The following ITLN1 variants were observed in gnomAD, a reference collection of about 807,000 sequenced individuals.
The protein encoded by ITLN1 is intelectin-1.
ITLN1 carries 29 observed loss-of-function variants against 36.2 expected under a neutral mutation model. The observed-to-expected ratio is 0.80, with a 90% confidence interval of 0.60 to 1.09. The LOEUF is 1.09. ITLN1 is among the 50% of genes least tolerant of loss of function. The pLI, the probability that ITLN1 is intolerant of heterozygous loss-of-function variation, is 0.00. For synonymous variants in ITLN1, 143 were observed against 146.5 expected (o/e 0.98, Z 0.17); for missense variants, 358 against 405.2 (o/e 0.88, Z 1.00).
chr1:160,882,029 T>C lies in ITLN1; in HGVS notation c.333A>G (p.Pro111=), dbSNP rs1253390191. ...SSQQGSKAVY[P]EGDGNWANYN... is the part of the protein sequence containing the mutation. ...AGTTGGCCCAGTTGCCGTCCCCCTCTGGGTAGACTGCTTTGCTGCCCTGCT... is the reference window on the plus strand; with the variant it reads ...AGTTGGCCCAGTTGCCGTCCCCCTCCGGGTAGACTGCTTTGCTGCCCTGCT... Residue 111 remains proline, a synonymous_variant, in exon 4 of 8, where the codon CCA becomes CCG. Transcript: ENST00000326245. 5 of 1,613,980 alleles carry C rather than the reference T, an allele frequency of 3.1e-6. No individual in the cohort carries two copies. The highest frequency in any genetic ancestry group is 4.2e-6 in the Non-Finnish European group (5 of 1,180,012).
Position 160,881,937 on chromosome 1 carries a change from G to A in ITLN1, c.405+20C>T, listed in dbSNP as rs1281255051. The A allele has an allele frequency of 6.2e-7, 1 of 1,614,130 alleles. No homozygotes were observed. Among genetic ancestry groups the A allele is most frequent in the Non-Finnish European group, 8.5e-7 (1 of 1,180,014 alleles). ...CTCCACTCCTCACCCTCACCCGAGT[G>A]GGTAAGAAGTGGCACCAACCTTGTA... On this transcript the variant is annotated intron_variant, in intron 4 of 7. Transcript: ENST00000326245.
chr1:160,883,047 T>C (rs1315077221), intron 3 of ITLN1, among the ~76,000 whole-genome samples: 2 of 152,132 alleles, frequency 1.3e-5, no homozygotes, highest in African/African-American at 2.4e-5. Context: ...TTTTGTATTT[T>C]AGTAGAGACA....
chr1:160,880,060 C>T (rs951455324), intron 6 of ITLN1, among the ~76,000 whole-genome samples: 5 of 152,058 alleles, frequency 3.3e-5, no homozygotes, highest in Admixed American at 1.3e-4. Context: ...AATCCCAACA[C>T]TTTGGGAGCC....
intron 5 of ITLN1, 51 bp downstream of exon 5, chr1:160,881,103 T>C (rs1439113403): frequency 1.3e-6 from 2 of 1,527,948 alleles, no homozygotes; most frequent in South Asian, 1.3e-5. Flanking sequence ...CTCTAACACT[T>C]GCTTCTCTGT....
chr1:160,881,817 AAAAAAAAAG>A, intron 4 of ITLN1, 131 bp downstream of exon 4: 17 of 1,234,632 alleles, frequency 1.4e-5, no homozygotes, highest in Non-Finnish European at 1.7e-5. Context: ...AAAAAAAAAA[AAAAAAAAAG>A]ATATAAGTAT....
chr1:160,879,174 G>A (rs1441428335), intron 7 of ITLN1, 137 bp downstream of exon 7: 6 of 706,846 alleles, frequency 8.5e-6, no homozygotes, highest in Non-Finnish European at 1.5e-5. Flanking sequence ...GCTCAGCAAT[G>A]AGCAAGAGAA....
In ITLN1 at chr1:160,885,055, A is replaced by C; in HGVS notation, c.-7+6T>G. 1 of 556,446 alleles carries C rather than the reference A, an allele frequency of 1.8e-6. No individual in the cohort carries two copies. The allele number at this position is 556,446 out of a possible 1,614,324, so 34.5% of individuals were successfully genotyped here. A position where few individuals can be genotyped will look rare whatever the true frequency, so the allele number is the denominator to read the frequency against. On this transcript the variant is annotated splice_donor_region_variant and intron_variant, in intron 1 of 7. Transcript: ENST00000326245. ...GCTGAAAACAGGATTCCCCCAACTCACAGACCTTGTCTGAGTCTCAGCTGC... is the reference window on the plus strand; with the variant it reads ...GCTGAAAACAGGATTCCCCCAACTCCCAGACCTTGTCTGAGTCTCAGCTGC...
rs1410098075 is a variant in ITLN1 at position 160,879,309 on chromosome 1, A to C, written c.789+2T>G. ...GTCCCTGCAGTCCCCACAGAGACTC[A>C]CGTGCTCAGTGTTACATCCGGTGAC... On this transcript the variant is annotated splice_donor_variant, in intron 7 of 7. Transcript: ENST00000326245. LOFTEE classifies it high-confidence loss of function. The C allele has an allele frequency of 1.2e-6, 2 of 1,610,912 alleles. No individual in the cohort carries two copies. The highest frequency in any genetic ancestry group is 2.2e-5 in the East Asian group (1 of 44,858).
Position 160,876,619 on chromosome 1 carries a change from T to A in ITLN1, c.*45A>T, listed in dbSNP as rs1318039807. The stretch of plus-strand genomic sequence containing the variant: ...GGTAAGTTGTTCTCCATCCTTGGGA[T>A]CTCATGGTTGGGAGGAGAGGTCTGG... On this transcript the variant is annotated 3_prime_UTR_variant, in exon 8 of 8. Transcript: ENST00000326245. 1 of 1,600,358 alleles carries A rather than the reference T, an allele frequency of 6.2e-7. No individual in the cohort carries two copies. Among genetic ancestry groups the A allele is most frequent in the African/African-American group, 1.3e-5 (1 of 74,478 alleles).
rs758701428 is a variant in ITLN1 at position 160,881,180 on chromosome 1, C to T, written c.538G>A (p.Gly180Arg). The change falls in exon 5 of 8, where the codon GGA becomes AGA. Residue 180 changes from glycine to arginine, a missense_variant. By Grantham distance (125) the Gly-to-Arg change is moderately radical. Coordinates refer to ENST00000326245, the MANE Select transcript of ITLN1 (RefSeq NM_017625.3). ...TGGTAGATGCCAAACAGATTATGTC[C>T]CAGTGTCTGGAGGAAGCCAGTGTCC... ...RTDTGFLQTLGHNLFGIYQKY... is the reference protein window; with the variant it reads ...RTDTGFLQTLRHNLFGIYQKY... 1 of 1,612,600 alleles carries T rather than the reference C, an allele frequency of 6.2e-7. No homozygotes were observed. Among genetic ancestry groups the T allele is most frequent in the Non-Finnish European group, 8.5e-7 (1 of 1,179,134 alleles).
At position 160,879,516 on chromosome 1, in the gene ITLN1, C is replaced by G. The variant is rs899005114; in HGVS notation, c.686-102G>C. On this transcript the variant is annotated intron_variant, in intron 6 of 7. Transcript: ENST00000326245. Reference sequence around the variant, plus strand: ...CGATGCCAAAGCTCAGGCTACAGCCCAACACTCCAGCTGTACTGGTGGAGC... The same window carrying G: ...CGATGCCAAAGCTCAGGCTACAGCCGAACACTCCAGCTGTACTGGTGGAGC... 3 of 846,344 alleles carry G rather than the reference C, an allele frequency of 3.5e-6. No individual in the cohort carries two copies. The African/African-American group carries it at 5.0e-5, about 14-fold the overall frequency. The allele number at this position is 846,344 out of a possible 1,614,324, so 52.4% of individuals were successfully genotyped here.
intron 7 of ITLN1, among the ~76,000 whole-genome samples, chr1:160,878,669 G>A (rs1670631894): frequency 6.6e-6 from 1 of 152,152 alleles, no homozygotes; most frequent in Admixed American, 6.5e-5. Context: ...ACAGGCGGGA[G>A]CCACCATGCC....
Position 160,883,420 on chromosome 1 carries a change from T to C in ITLN1, c.157+8A>G. ...GACTGAGCTCTGTTTGAATGTTTCA[T>C]CACTCACCAAATGCACTAGGACATT... On this transcript the variant is annotated splice_region_variant and intron_variant, in intron 3 of 7. Transcript: ENST00000326245. 6.3e-7 allele frequency: 1 copy of C among 1,594,742 alleles called. No homozygotes were observed. The highest frequency in any genetic ancestry group is 8.6e-7 in the Non-Finnish European group (1 of 1,162,464).
chr1:160,881,458 C>G, intron 4 of ITLN1, 146 bp from the exon 5 acceptor site: 3 of 862,028 alleles, frequency 3.5e-6, no homozygotes, highest in Non-Finnish European at 3.4e-6. Flanking sequence ...CACTCCCAGC[C>G]GATGATCCCA....
chr1:160,884,544 A>G (rs1670727483), intron 2 of ITLN1, among the ~76,000 whole-genome samples: 1 of 152,216 alleles, frequency 6.6e-6, no homozygotes, highest in African/African-American at 2.4e-5. Context: ...TCCCACAGCC[A>G]AGGCCACAGG....
chr1:160,880,977 T>C (rs1237747490), intron 5 of ITLN1, among the ~76,000 whole-genome samples, 177 bp downstream of exon 5: 2 of 152,150 alleles, frequency 1.3e-5, no homozygotes, highest in Non-Finnish European at 2.9e-5. Context: ...TCCTCTCCAA[T>C]AGGTCCCTTC....
At chr1:160,880,947 C>T (rs188093212) in intron 5 of ITLN1, among the ~76,000 whole-genome samples, 1 of 152,338 alleles carries the variant, frequency 6.6e-6, no homozygotes, top group African/African-American at 2.4e-5. Flanking sequence ...GACCCATCCA[C>T]ACTCTTCCTG....
rs983571803 is a variant in ITLN1, at chr1:160,882,875, T to C, written c.157+553A>G. On this transcript the variant is annotated intron_variant, in intron 3 of 7. Transcript: ENST00000326245. Reference sequence around the variant, plus strand: ...GTTATTTTTTGTTTTGTTTTGTTTTTGTTTTTGTTTTTGAGATGGAGTCTC... The same window carrying C: ...GTTATTTTTTGTTTTGTTTTGTTTTCGTTTTTGTTTTTGAGATGGAGTCTC... Among the ~76,000 whole-genome samples the C allele has an allele frequency of 2.6e-5, 4 of 152,190 alleles. No homozygotes were observed. In the South Asian group the frequency reaches 6.2e-4, roughly 24 times the overall value.
intron 3 of ITLN1, 111 bp downstream of exon 3, chr1:160,883,317 T>C: frequency 1.5e-6 from 1 of 662,074 alleles, no homozygotes; most frequent in South Asian, 1.9e-5. Context: ...TTATGTAAAT[T>C]ATAATATACA....
Sources: allele counts gnomAD v4.1 joint callset (sites outside exome capture counted in the v4.1 genomes callset), GRCh38; gene constraint gnomAD v4.1.1; transcripts MANE v1.5; gene names NCBI Gene and HGNC (gene_info 2026-07-23, HGNC 2026-07-21).